NAPG: variants seen among roughly 807,000 people sequenced by gnomAD.
NAPG encodes NSF attachment protein gamma.
Under a neutral mutation model 48.4 loss-of-function variants are expected in NAPG, and 25 were observed. The ratio of observed to expected loss-of-function variants is 0.52; its 90% CI spans 0.38 to 0.72. The LOEUF (loss-of-function observed/expected upper bound fraction) is 0.72. Ranked by LOEUF, NAPG falls within the 30% of genes least tolerant of loss-of-function variation. NAPG has a pLI of 0.00. For synonymous variants in NAPG, 139 were observed against 127.2 expected (o/e 1.09, Z -0.62); for missense variants, 359 against 372.5 (o/e 0.96, Z 0.30).
intron 5 of NAPG, among the ~76,000 whole-genome samples, chr18:10,537,392 A>G (rs1167790198): frequency 6.6e-6 from 1 of 152,226 alleles, no homozygotes; most frequent in Non-Finnish European, 1.5e-5. Flanking sequence ...TAAGGAAGAG[A>G]AAATATATTT....
At position 10,552,658 on chromosome 18, in the gene NAPG, T is replaced by C. The variant is rs555630688; in HGVS notation, c.*2438T>C. ...CTGTATGGAATCTGCTTTATTCCTA[T>C]TTTTCCCAACTCTGATGAGTAGAAT... On this transcript the variant is annotated 3_prime_UTR_variant, in exon 12 of 12. Coordinates refer to ENST00000322897, the MANE Select transcript of NAPG (RefSeq NM_003826.3). The C allele has an allele frequency of 6.6e-6, 1 of 152,350 alleles. No individual in the cohort carries two copies. Among genetic ancestry groups the C allele is most frequent in the Non-Finnish European group, 1.5e-5 (1 of 68,034 alleles). The allele number at this position is 152,350 out of a possible 1,614,324, so 9.4% of individuals were successfully genotyped here.
At position 10,542,110 on chromosome 18, in the gene NAPG, C is replaced by T. The variant is rs569041253; in HGVS notation, c.506+1711C>T. Among the ~76,000 whole-genome samples the T allele has an allele frequency of 3.0e-4, 46 of 152,126 alleles. No homozygotes were observed. Among genetic ancestry groups the T allele is most frequent in the Middle Eastern group, 3.2e-3 (1 of 316 alleles). On this transcript the variant is annotated intron_variant, in intron 8 of 11. Coordinates refer to ENST00000322897, the MANE Select transcript of NAPG (RefSeq NM_003826.3). This position sits in a 1 kb window ranked among gnomAD's most constrained non-coding sequence, Gnocchi z 4.5. ...AATTACTGTGTTAAATTCTTCAAAG[C>T]CTCAGCAGAGGGGAGAATGCTAGTT...
At chr18:10,547,260 G>T (rs616139) in intron 9 of NAPG, among the ~76,000 whole-genome samples, 52,010 of 152,092 alleles carry the variant, frequency 0.34, 8,969 homozygotes, top group East Asian at 0.39. Context: ...GGCACCACAT[G>T]TAGTCTGAAC....
At chr18:10,528,267 G>C (rs754406500) in intron 1 of NAPG, among the ~76,000 whole-genome samples, 14 of 152,100 alleles carry the variant, frequency 9.2e-5, no homozygotes, top group Admixed American at 2.0e-4. Flanking sequence ...TTCAGTAAAC[G>C]AACATTTACA....
At position 10,530,816 on chromosome 18, in the gene NAPG, G is replaced by A. The variant is rs747977052; in HGVS notation, c.103G>A (p.Ala35Thr). Residue 35 changes from alanine to threonine, a missense_variant, in exon 2 of 12, where the codon GCT becomes ACT. Coordinates refer to ENST00000322897, the MANE Select transcript of NAPG (RefSeq NM_003826.3). Reference protein sequence around the residue: ...LKWKPDYDSAASEYGKAAVAF... With the variant: ...LKWKPDYDSATSEYGKAAVAF... ...ATGGAAGCCAGATTATGACAGTGCC[G>A]CTTCTGAATATGGAAAAGCAGGTAT... The A allele has an allele frequency of 7.6e-6, 12 of 1,582,348 alleles. No individual in the cohort carries two copies. Among genetic ancestry groups the A allele is most frequent in the African/African-American group, 4.1e-5 (3 of 73,492 alleles).
intron 2 of NAPG, among the ~76,000 whole-genome samples, chr18:10,531,744 A>T (rs930881457): frequency 6.6e-6 from 1 of 152,202 alleles, no homozygotes; most frequent in Admixed American, 6.5e-5. Context: ...AGGGAACAAC[A>T]TTTTGCAAGT....
chr18:10,526,239 CGGGAGG>C, intron 1 of NAPG, 81 bp downstream of exon 1: 1 of 349,042 alleles, frequency 2.9e-6, no homozygotes, highest in Non-Finnish European at 5.8e-6. Flanking sequence ...CCGGGGGGGG[CGGGAGG>C]GAGGGCTCAG....
chr18:10,532,478 C>T (rs2031947389), intron 2 of NAPG, among the ~76,000 whole-genome samples: 1 of 151,838 alleles, frequency 6.6e-6, no homozygotes, highest in Non-Finnish European at 1.5e-5. Context: ...GATTTGTTGC[C>T]AGTAGTCAAC....
At chr18:10,532,618 T>C (rs2031950434) in intron 2 of NAPG, 93 bp from the exon 3 acceptor site, 1 of 890,668 alleles carries the variant, frequency 1.1e-6, no homozygotes, top group African/African-American at 1.7e-5. Flanking sequence ...GAAGTAAGTA[T>C]GTTTATAATA....
chr18:10,546,295 GC>G lies in NAPG; in HGVS notation c.507-30del. On this transcript the variant is annotated intron_variant, in intron 8 of 11. Transcript: ENST00000322897. This position sits in a 1 kb window ranked among gnomAD's most constrained non-coding sequence, Gnocchi z 4.0. ...CCTCTGCTATAGATCATTTAGACCT[GC>G]TTTTTTTACATTTCTGTGTTTTGTT... 1 of 1,458,536 alleles carries G rather than the reference GC, an allele frequency of 6.9e-7. No homozygotes were observed. The highest frequency in any genetic ancestry group is 9.4e-7 in the Non-Finnish European group (1 of 1,066,604). 90.3% of individuals were successfully genotyped at this position (1,458,536 alleles called of 1,614,324 possible). A position where few individuals can be genotyped will look rare whatever the true frequency, so the allele number is the denominator to read the frequency against.
Position 10,548,323 on chromosome 18 carries a change from C to A in NAPG, c.610C>A (p.His204Asn). ...YKKTIAQVLV[H>N]LHRNDYVAAE... is the part of the protein sequence containing the mutation. ...GAAAACAATTGCTCAAGTCTTAGTT[C>A]ATCTACACAGAAATGACTATGTAGC... The change falls in exon 10 of 12, where the codon CAT becomes AAT. Residue 204 changes from histidine (H) to asparagine (N), a missense_variant. Coordinates refer to ENST00000322897, the MANE Select transcript of NAPG (RefSeq NM_003826.3). This position sits in a 1 kb window ranked among gnomAD's most constrained non-coding sequence, Gnocchi z 4.4. 6.2e-7 allele frequency: 1 copy of A among 1,613,130 alleles called. No homozygotes were observed. The highest frequency in any genetic ancestry group is 8.5e-7 in the Non-Finnish European group (1 of 1,179,410).
Position 10,539,595 on chromosome 18 carries a change from G to A in NAPG, c.259-167G>A, listed in dbSNP as rs1384181978. On this transcript the variant is annotated intron_variant, in intron 5 of 11. Coordinates refer to ENST00000322897, the MANE Select transcript of NAPG (RefSeq NM_003826.3). This position sits in a 1 kb window ranked among gnomAD's most constrained non-coding sequence, Gnocchi z 4.7. ...TTAAAACCTAGATGATGGGTTGATA[G>A]GTATAGCAAACCACCATGGGACATG... 3.3e-6 allele frequency: 2 copies of A among 607,316 alleles called. No homozygotes were observed. Among genetic ancestry groups the A allele is most frequent in the African/African-American group, 3.7e-5 (2 of 53,928 alleles). The allele number at this position is 607,316 out of a possible 1,614,324, so 37.6% of individuals were successfully genotyped here. A position where few individuals can be genotyped will look rare whatever the true frequency, so the allele number is the denominator to read the frequency against.
Position 10,532,946 on chromosome 18 carries a change from A to G in NAPG, c.209+151A>G, listed in dbSNP as rs2031959661. On this transcript the variant is annotated intron_variant, in intron 3 of 11. Transcript: ENST00000322897. ...AAAATTCTGTATTTTTAAACTATGA[A>G]GGAGCGTTTATAATGAAGTTTGATT... is the stretch of plus-strand genomic sequence containing the variant. The G allele has an allele frequency of 1.5e-5, 10 of 662,478 alleles. No homozygotes were observed. The South Asian group carries it at 1.8e-4, about 12-fold the overall frequency. 41.0% of individuals were successfully genotyped at this position (662,478 alleles called of 1,614,324 possible).
At chr18:10,549,711 T>TGGCCTTA (rs769551258) in intron 11 of NAPG, among the ~76,000 whole-genome samples, 18 of 152,234 alleles carry the variant, frequency 1.2e-4, no homozygotes, top group Non-Finnish European at 1.9e-4. Flanking sequence ...AGTACCTGTT[T>TGGCCTTA]GGCCTTAGGC....
At position 10,552,578 on chromosome 18, in the gene NAPG, A is replaced by G. The variant is rs992275980; in HGVS notation, c.*2358A>G. The G allele has an allele frequency of 1.3e-5, 2 of 152,236 alleles. No individual in the cohort carries two copies. Among genetic ancestry groups the G allele is most frequent in the African/African-American group, 2.4e-5 (1 of 41,452 alleles). The allele number at this position is 152,236 out of a possible 1,614,324, so 9.4% of individuals were successfully genotyped here. A position where few individuals can be genotyped will look rare whatever the true frequency, so the allele number is the denominator to read the frequency against. ...GTTACATTGTAAGTGAAGTCCAGCTACAAAATAGATTTAATATATTGAATT... is the reference window on the plus strand; with the variant it reads ...GTTACATTGTAAGTGAAGTCCAGCTGCAAAATAGATTTAATATATTGAATT... On this transcript the variant is annotated 3_prime_UTR_variant, in exon 12 of 12. Transcript: ENST00000322897.
At chr18:10,549,411 T>C (rs949778301) in intron 11 of NAPG, among the ~76,000 whole-genome samples, 3 of 152,244 alleles carry the variant, frequency 2.0e-5, no homozygotes, top group Non-Finnish European at 4.4e-5. Flanking sequence ...TTTATTCATT[T>C]CTTTTAGACG....
chr18:10,540,515 C>A (rs2032133430), intron 8 of NAPG, 116 bp downstream of exon 8: 4 of 688,580 alleles, frequency 5.8e-6, no homozygotes, highest in South Asian at 5.5e-5. Flanking sequence ...GTAGACACAC[C>A]AGGCCACACA....
chr18:10,548,190 A>G lies in NAPG; in HGVS notation c.586-109A>G, dbSNP rs2032307754. On this transcript the variant is annotated intron_variant, in intron 9 of 11. Coordinates refer to ENST00000322897, the MANE Select transcript of NAPG (RefSeq NM_003826.3). The surrounding 1 kb of genome is among the most constrained non-coding windows in gnomAD (Gnocchi z 4.4). ...CTATAGCATTTATAAATCTCTGTTT[A>G]TACAAACAAAGACTCTGAAAGTTAA... is the stretch of plus-strand genomic sequence containing the variant. 4 of 758,836 alleles carry G rather than the reference A, an allele frequency of 5.3e-6. No individual in the cohort carries two copies. The South Asian group carries it at 6.4e-5, about 12-fold the overall frequency. The allele number at this position is 758,836 out of a possible 1,614,324, so 47.0% of individuals were successfully genotyped here.
intron 8 of NAPG, among the ~76,000 whole-genome samples, chr18:10,541,174 G>T (rs1171789349): frequency 2.6e-5 from 4 of 152,110 alleles, no homozygotes; most frequent in African/African-American, 7.2e-5. Context: ...ATTTAAACCG[G>T]TCTAGAGTAA....
Sources: gnomAD v4.1 joint callset for allele counts (sites outside exome capture counted in the v4.1 genomes callset) on GRCh38, gnomAD v4.1.1 for gene constraint, Gnocchi (gnomAD v3.1) non-coding constraint, MANE v1.5 for transcripts, NCBI Gene and HGNC (gene_info 2026-07-23, HGNC 2026-07-21) for gene names.